Variants in CTDP1 observed in about 807,000 individuals in gnomAD.
The protein encoded by CTDP1 is CTD phosphatase 1.
CTDP1 carries 47 observed loss-of-function variants against 91.8 expected under a neutral mutation model. The observed-to-expected ratio is 0.51, with a 90% CI of 0.41 to 0.65. CTDP1 has a LOEUF of 0.65. Among genes scored for constraint, CTDP1 ranks in the 30% least tolerant of loss-of-function variants. The pLI is 0.00. For synonymous variants in CTDP1, 656 were observed against 598.5 expected, an observed-to-expected ratio of 1.10 and a Z score of -1.40; for missense variants, 1,272 against 1,373.7, an observed-to-expected ratio of 0.93 and a Z score of 1.17.
At chr18:79,676,829 T>G (rs968205762), upstream of CTDP1, among the ~76,000 whole-genome samples, 1 of 152,256 alleles carries the variant, frequency 6.6e-6, no homozygotes, top group Non-Finnish European at 1.5e-5. Context: ...AATCTGTTGA[T>G]ACTAATGTTT....
intron 12 of CTDP1, 142 bp downstream of exon 12, chr18:79,736,663 G>GC (rs1382914571): frequency 2.3e-6 from 2 of 865,752 alleles, no homozygotes; most frequent in African/African-American, 3.4e-5. Context: ...AAACTCAGCA[G>GC]CCCCTGGTGA....
intron 10 of CTDP1, among the ~76,000 whole-genome samples, chr18:79,721,752 C>G (rs73482230): frequency 0.01 from 1,552 of 150,794 alleles, 34 homozygotes; most frequent in African/African-American, 0.035. Context: ...GAGCCTGTCT[C>G]AAAAAAAAAT....
At chr18:79,741,765 T>C (rs756283232) in intron 12 of CTDP1, among the ~76,000 whole-genome samples, 5 of 152,222 alleles carry the variant, frequency 3.3e-5, no homozygotes, top group Non-Finnish European at 7.3e-5. Context: ...TTGGGAGGGT[T>C]GCGTGAGCTC....
intron 10 of CTDP1, among the ~76,000 whole-genome samples, chr18:79,728,260 G>C (rs957151393): frequency 6.6e-6 from 1 of 151,902 alleles, no homozygotes; most frequent in East Asian, 1.9e-4. Flanking sequence ...CCACCACACC[G>C]GGCTAATTTT....
chr18:79,687,881 TGTGGTGCAC>T (rs1001538608), intron 1 of CTDP1, among the ~76,000 whole-genome samples: 1 of 152,214 alleles, frequency 6.6e-6, no homozygotes, highest in Non-Finnish European at 1.5e-5. Flanking sequence ...GTCTGAATGG[TGTGGTGCAC>T]GTGGTGCCAC....
chr18:79,706,275 A>G (rs2085965281), intron 5 of CTDP1, among the ~76,000 whole-genome samples: 1 of 152,146 alleles, frequency 6.6e-6, no homozygotes, highest in African/African-American at 2.4e-5. Context: ...CACACTATGG[A>G]GTTTCTTTAG....
At chr18:79,749,351 C>T (rs961022222) in intron 12 of CTDP1, among the ~76,000 whole-genome samples, 1 of 152,006 alleles carries the variant, frequency 6.6e-6, no homozygotes, top group Non-Finnish European at 1.5e-5. Flanking sequence ...CTGCTCAGTG[C>T]CCCTGATACG....
chr18:79,688,169 C>G (rs1436848929), intron 1 of CTDP1, among the ~76,000 whole-genome samples: 1 of 152,268 alleles, frequency 6.6e-6, no homozygotes, highest in Non-Finnish European at 1.5e-5. Flanking sequence ...GAGCGTCAGC[C>G]ACAGCTGACG....
chr18:79,744,350 A>T (rs1470865272), intron 12 of CTDP1, among the ~76,000 whole-genome samples: 1 of 152,278 alleles, frequency 6.6e-6, no homozygotes, highest in Non-Finnish European at 1.5e-5. Context: ...TGACACAGAT[A>T]CTTGGAGTTC....
intron 10 of CTDP1, among the ~76,000 whole-genome samples, chr18:79,725,308 C>G (rs1211169954): frequency 6.6e-6 from 1 of 152,222 alleles, no homozygotes; most frequent in Non-Finnish European, 1.5e-5. Context: ...GCCCCACCCT[C>G]CAGCATCACT....
At chr18:79,709,609 G>A (rs1400138473) in intron 5 of CTDP1, among the ~76,000 whole-genome samples, 1 of 152,224 alleles carries the variant, frequency 6.6e-6, no homozygotes, top group African/African-American at 2.4e-5. Context: ...AAGTGCAAGT[G>A]TCAAATGTAG....
At chr18:79,731,457 AC>A (rs1240918048) in intron 11 of CTDP1, among the ~76,000 whole-genome samples, 4 of 151,910 alleles carry the variant, frequency 2.6e-5, no homozygotes, top group Non-Finnish European at 5.9e-5. Flanking sequence ...AGCTTTGGGA[AC>A]TCGCGCCTGG....
At chr18:79,696,314 C>T (rs1461170620) in intron 3 of CTDP1, among the ~76,000 whole-genome samples, 2 of 152,324 alleles carry the variant, frequency 1.3e-5, no homozygotes, top group African/African-American at 2.4e-5. Context: ...GTGTGACCTG[C>T]GTGTCGGGAA....
At chr18:79,721,828 A>ATTT (rs200327297) in intron 10 of CTDP1, among the ~76,000 whole-genome samples, 1 of 146,132 alleles carries the variant, frequency 6.8e-6, no homozygotes, top group Non-Finnish European at 1.5e-5. Context: ...ATTTTTATTT[A>ATTT]TTTTTTTTTT....
intron 11 of CTDP1, among the ~76,000 whole-genome samples, chr18:79,731,067 C>G (rs868768994): frequency 6.6e-6 from 1 of 152,166 alleles, no homozygotes; most frequent in East Asian, 1.9e-4. Flanking sequence ...TTGCCTGCAC[C>G]CCCCCGTGGG....
Position 79,704,877 on chromosome 18 carries a change from C to T in CTDP1, c.732C>T (p.Val244=). The T allele has an allele frequency of 6.2e-7, 1 of 1,613,810 alleles. No homozygotes were observed. The highest frequency in any genetic ancestry group is 8.5e-7 in the Non-Finnish European group (1 of 1,180,044). ...TCGCCAAGCTGTACGAGCTGCACGTCTTCACCTTCGGCAGCCGGCTGTACG... is the reference window on the plus strand; with the variant it reads ...TCGCCAAGCTGTACGAGCTGCACGTTTTCACCTTCGGCAGCCGGCTGTACG... ...EKIAKLYELH[V]FTFGSRLYAH... is the part of the protein sequence containing the mutation. The change falls in exon 5 of 13, where the codon GTC becomes GTT. Residue 244 remains valine (V), a synonymous_variant. Transcript: ENST00000613122.
intron 1 of CTDP1, among the ~76,000 whole-genome samples, chr18:79,694,077 C>G (rs1166585012): frequency 6.6e-6 from 1 of 152,214 alleles, no homozygotes; most frequent in Non-Finnish European, 1.5e-5. Flanking sequence ...TGGAAAGGTC[C>G]CATTGACAGA....
rs1328936981 is a variant in CTDP1, at chr18:79,746,365, C to T, written c.2748-7287C>T. 2.7e-5 allele frequency among the ~76,000 whole-genome samples: 4 copies of T among 146,062 alleles called. 1 individual carries two copies. The highest frequency in any genetic ancestry group is 2.2e-4 in the South Asian group (1 of 4,552). On this transcript the variant is annotated intron_variant, in intron 12 of 12. Coordinates refer to ENST00000613122, the MANE Select transcript of CTDP1 (RefSeq NM_004715.5). The stretch of plus-strand genomic sequence containing the variant: ...GCGCGTTCTGACCCTGCGTCCCTCC[C>T]ATGCGCGTTCTGTCCGTGCGTCCCT...
In CTDP1 at chr18:79,679,900, AGC is replaced by A. The variant is rs781753523; in HGVS notation, c.-45_-44del. On this transcript the variant is annotated 5_prime_UTR_variant, in exon 1 of 13. Coordinates refer to ENST00000613122, the MANE Select transcript of CTDP1 (RefSeq NM_004715.5). ...TCGCCGCGGTAGGCGCTGCGCTCTGAGCGCAGCGCAGGCCCCGTACCGACCGC... is the reference window on the plus strand; with the variant it reads ...TCGCCGCGGTAGGCGCTGCGCTCTGAGCAGCGCAGGCCCCGTACCGACCGC... 37 of 1,309,188 alleles carry A rather than the reference AGC, an allele frequency of 2.8e-5. No homozygotes were observed. In the Middle Eastern group the frequency reaches 1.2e-3, roughly 42 times the overall value. The allele number at this position is 1,309,188 out of a possible 1,614,324, so 81.1% of individuals were successfully genotyped here.
Sources: allele counts gnomAD v4.1 joint callset (sites outside exome capture counted in the v4.1 genomes callset), GRCh38; gene constraint gnomAD v4.1.1; transcripts MANE v1.5; gene names NCBI Gene and HGNC (gene_info 2026-07-23, HGNC 2026-07-21).